The following IQANK1 variants were observed in gnomAD, a reference collection of about 807,000 sequenced individuals.
IQANK1 encodes the protein IQ motif and ankyrin repeat domain-containing protein 1.
In IQANK1, 30 loss-of-function variants were observed where a neutral mutation model predicts 22.6. The ratio of observed to expected loss-of-function variants is 1.33; its 90% confidence interval spans 0.99 to 1.80. IQANK1 has a LOEUF of 1.80. IQANK1 is among the 40% of genes most tolerant of loss of function. IQANK1 has a pLI of 0.00. For synonymous variants in IQANK1, 122 were observed against 99.6 expected (o/e 1.23, Z -1.34); for missense variants, 275 against 235.2 (o/e 1.17, Z -1.11).
At position 143,774,442 on chromosome 8, in the gene IQANK1, G is replaced by A. The variant is rs191816696; in HGVS notation, c.789+1960G>A. Among the ~76,000 whole-genome samples the A allele has an allele frequency of 4.5e-4, 68 of 152,256 alleles. No individual in the cohort carries two copies. Among genetic ancestry groups the A allele is most frequent in the Non-Finnish European group, 7.6e-4 (52 of 68,030 alleles). On this transcript the variant is annotated intron_variant, in intron 7 of 13. Transcript: ENST00000527139. This position sits in a 1 kb window ranked among gnomAD's most constrained non-coding sequence, Gnocchi z 4.2. ...ATCTAATGATGGCAGATGAACACCCGAGGAGGTGTTGCACACCACCTCACA... is the reference window on the plus strand; with the variant it reads ...ATCTAATGATGGCAGATGAACACCCAAGGAGGTGTTGCACACCACCTCACA...
intron 3 of IQANK1, among the ~76,000 whole-genome samples, chr8:143,749,305 AATATAAAAATAT>A (rs1442229182): frequency 5.4e-5 from 6 of 111,538 alleles, no homozygotes; most frequent in African/African-American, 1.1e-4. Context: ...AATATATAAA[AATATAAAAATAT>A]ATATAAAAAT....
chr8:143,750,813 C>G (rs899239746), intron 3 of IQANK1, among the ~76,000 whole-genome samples: 2 of 151,992 alleles, frequency 1.3e-5, no homozygotes, highest in Non-Finnish European at 2.9e-5. Context: ...GAACCCACCT[C>G]TAAAAAACAA....
At chr8:143,742,150 A>G (rs1818933471) in intron 3 of IQANK1, 3 of 351,670 alleles carry the variant, frequency 8.5e-6, no homozygotes, top group South Asian at 4.2e-5. Flanking sequence ...GCCACCCCCA[A>G]GCCTTTCCCA....
At chr8:143,787,476 C>T (rs879950907) in intron 7 of IQANK1, among the ~76,000 whole-genome samples, 1 of 152,054 alleles carries the variant, frequency 6.6e-6, no homozygotes, top group African/African-American at 2.4e-5. Context: ...AAGTCAGCAC[C>T]GACTCAGCCA....
intron 3 of IQANK1, chr8:143,743,036 G>A (rs1818955899): frequency 2.2e-6 from 1 of 454,184 alleles, no homozygotes; most frequent in Non-Finnish European, 4.4e-6. Context: ...CCAGGAGATG[G>A]GGGGGCCCTG....
Position 143,771,849 on chromosome 8 carries a change from C to T in IQANK1, c.355C>T (p.Arg119Cys). The T allele has an allele frequency of 2.5e-6, 1 of 395,262 alleles. No homozygotes were observed. The highest frequency in any genetic ancestry group is 2.1e-5 in the African/African-American group (1 of 48,474). 24.5% of individuals were successfully genotyped at this position (395,262 alleles called of 1,614,324 possible). ...RREQEAARRL[R>C]EQEEAAQRER... ...GGAGCAGGAGGCCGCGCGGCGGCTG[C>T]GCGAGCAGGAGGAGGCGGCGCAGCG... Residue 119 changes from arginine (R) to cysteine (C), a missense_variant, in exon 5 of 14, where the codon CGC becomes TGC. Physicochemically the swap from Arg to Cys is radical, Grantham distance 180 (BLOSUM62 -3). Coordinates refer to ENST00000527139, the MANE Select transcript of IQANK1 (RefSeq NM_001381874.1). The surrounding 1 kb of genome is among the most constrained non-coding windows in gnomAD (Gnocchi z 6.0).
At chr8:143,779,449 C>T (rs1381194077) in intron 7 of IQANK1, among the ~76,000 whole-genome samples, 1 of 152,228 alleles carries the variant, frequency 6.6e-6, no homozygotes, top group Non-Finnish European at 1.5e-5. Flanking sequence ...ATTTGCTTAT[C>T]TCACGTATCC....
chr8:143,785,288 CCT>C (rs1819866345), intron 7 of IQANK1, among the ~76,000 whole-genome samples: 1 of 132,178 alleles, frequency 7.6e-6, no homozygotes, highest in African/African-American at 3.1e-5. Context: ...ACAGAGTCTT[CCT>C]CTGTCACCCA....
intron 3 of IQANK1, among the ~76,000 whole-genome samples, chr8:143,770,775 G>T (rs1554629668): frequency 6.6e-6 from 1 of 152,276 alleles, no homozygotes. Context: ...TGGCGGAAGC[G>T]CCACAAGCGC....
chr8:143,776,361 A>C (rs1554630432), intron 7 of IQANK1, among the ~76,000 whole-genome samples: 1 of 151,958 alleles, frequency 6.6e-6, no homozygotes, highest in African/African-American at 2.4e-5. Context: ...AGAAAAAAGA[A>C]AAAAATTGAG....
At chr8:143,762,353 AAAAG>A (rs1563774306) in intron 3 of IQANK1, among the ~76,000 whole-genome samples, 3 of 152,162 alleles carry the variant, frequency 2.0e-5, no homozygotes. Context: ...AAAAGAAAAG[AAAAG>A]AAAGTTTGAG....
chr8:143,739,057 G>C (rs1006259901), intron 2 of IQANK1, among the ~76,000 whole-genome samples: 29 of 152,234 alleles, frequency 1.9e-4, no homozygotes, highest in African/African-American at 7.0e-4. Context: ...CCCGAGGAAA[G>C]TCCTGGCGGT....
rs2129968675 is a variant in IQANK1, at chr8:143,790,242, GAT to G, written c.1396_1397del (p.Met466ValfsTer49). On this transcript the variant is annotated frameshift_variant, in exon 13 of 14. Transcript: ENST00000527139. LOFTEE classifies it low-confidence loss of function (END_TRUNC). The stretch of plus-strand genomic sequence containing the variant: ...ACCCGGAGCCCCTGAGGCCGGAGAC[GAT>G]GTGGCTGGCTCTGCTGGGGGCTCTG... ...VNPEPLRPETMWLALLGALRY... is the reference protein window; with the variant it reads ...VNPEPLRPETXWLALLGALRY... 14 of 1,232,154 alleles carry G rather than the reference GAT, an allele frequency of 1.1e-5. No homozygotes were observed. In the South Asian group the frequency reaches 4.9e-4, roughly 43 times the overall value. 76.3% of individuals were successfully genotyped at this position (1,232,154 alleles called of 1,614,324 possible). A position where few individuals can be genotyped will look rare whatever the true frequency, so the allele number is the denominator to read the frequency against.
At chr8:143,786,157 C>T (rs1172048786) in intron 7 of IQANK1, among the ~76,000 whole-genome samples, 1 of 152,262 alleles carries the variant, frequency 6.6e-6, no homozygotes, top group East Asian at 1.9e-4. Context: ...GCCACCTTGC[C>T]TGGCCATGTC....
chr8:143,736,163 C>T (rs1554625639), intron 2 of IQANK1, among the ~76,000 whole-genome samples: 1 of 142,956 alleles, frequency 7.0e-6, no homozygotes, highest in Non-Finnish European at 1.5e-5. Context: ...TTTTTTGAGA[C>T]GGAGTCTCGC....
At chr8:143,773,803 T>A (rs1013046526) in intron 7 of IQANK1, among the ~76,000 whole-genome samples, 2 of 151,962 alleles carry the variant, frequency 1.3e-5, no homozygotes, top group Non-Finnish European at 2.9e-5. Flanking sequence ...GGCGGTGGGC[T>A]TAGGGAGGGG....
intron 3 of IQANK1, among the ~76,000 whole-genome samples, chr8:143,761,230 C>T (rs1819390332): frequency 6.6e-6 from 1 of 152,158 alleles, no homozygotes; most frequent in African/African-American, 2.4e-5. Context: ...CCGCCGCCAC[C>T]CTTTACCCCC....
intron 7 of IQANK1, among the ~76,000 whole-genome samples, chr8:143,776,337 A>AG (rs1554630420): frequency 6.6e-6 from 1 of 151,364 alleles, no homozygotes; most frequent in Non-Finnish European, 1.5e-5. Flanking sequence ...CAAAAAAAAA[A>AG]AAAAAAAAGA....
chr8:143,775,823 C>CACACACACACACACACACACACA (rs57293834), intron 7 of IQANK1, among the ~76,000 whole-genome samples: 1 of 140,864 alleles, frequency 7.1e-6, no homozygotes, highest in African/African-American at 3.1e-5. Context: ...CACACACACA[C>CACACACACACACACACACACACA]CATTCCTAAA....
Sources: allele counts gnomAD v4.1 joint callset (sites outside exome capture counted in the v4.1 genomes callset), GRCh38; gene constraint gnomAD v4.1.1; non-coding constraint Gnocchi (gnomAD v3.1); transcripts MANE v1.5; gene names NCBI Gene and HGNC (gene_info 2026-07-23, HGNC 2026-07-21).